Variants in COL3A1 observed in about 807,000 individuals in gnomAD.
COL3A1 encodes the protein collagen alpha-1(III) chain.
Under a neutral mutation model 200.9 loss-of-function variants are expected in COL3A1, and 46 were observed. That is an observed-to-expected ratio of 0.23 (90% CI 0.18 to 0.29). COL3A1 has a LOEUF of 0.29. COL3A1 is among the 10% of genes least tolerant of loss of function. The pLI is 1.00. For synonymous variants in COL3A1, 650 were observed against 628.0 expected (o/e 1.03, Z -0.52); for missense variants, 1,367 against 1,917.6 (o/e 0.71, Z 5.36).
At chr2:189,003,857 A>C in intron 38 of COL3A1, 70 bp downstream of exon 38, 1 of 1,584,002 alleles carries the variant, frequency 6.3e-7, no homozygotes. Flanking sequence ...ATAGGATGAG[A>C]AACTTACACA....
intron 44 of COL3A1, 117 bp from the exon 45 acceptor site, chr2:189,007,383 T>C (rs1688617489): frequency 1.3e-6 from 1 of 787,142 alleles, no homozygotes; most frequent in Non-Finnish European, 2.0e-6. Context: ...TGTCTGTTGA[T>C]GGGGGATTTT....
chr2:188,995,023 T>A (rs1190344158), intron 20 of COL3A1, 23 bp from the exon 21 acceptor site: 1 of 1,611,196 alleles, frequency 6.2e-7, no homozygotes, highest in Admixed American at 1.7e-5. Context: ...TGGACTGAAA[T>A]ACTTGTCTTT....
chr2:188,994,553 A>G lies in COL3A1; in HGVS notation c.1306A>G (p.Lys436Glu), dbSNP rs1184576895. Residue 436 changes from lysine to glutamate, a missense_variant, in exon 19 of 51, where the codon AAG (lysine) becomes GAG (glutamate). Coordinates refer to ENST00000304636, the MANE Select transcript of COL3A1 (RefSeq NM_000090.4). This position sits in a 1 kb window ranked among gnomAD's most constrained non-coding sequence, Gnocchi z 4.5. ...GLRGGAGEPG[K>E]NGAKGEPGPR... ...TGTTATACTTTAGGGTGAGCCTGGTAAGAATGGTGCCAAAGGAGAGCCCGG... is the reference window on the plus strand; with the variant it reads ...TGTTATACTTTAGGGTGAGCCTGGTGAGAATGGTGCCAAAGGAGAGCCCGG... The G allele has an allele frequency of 1.2e-6, 2 of 1,614,044 alleles. No homozygotes were observed. The highest frequency in any genetic ancestry group is 2.7e-5 in the African/African-American group (2 of 74,908).
Position 189,003,759 on chromosome 2 carries a change from G to A in COL3A1, c.2633G>A (p.Arg878His), listed in dbSNP as rs1419949637. 3.1e-6 allele frequency: 5 copies of A among 1,613,794 alleles called. No individual in the cohort carries two copies. Among genetic ancestry groups the A allele is most frequent in the East Asian group, 2.2e-5 (1 of 44,838 alleles). Residue 878 changes from arginine to histidine, a missense_variant, in exon 38 of 51, where the codon CGT (arginine) becomes CAT (histidine). Physicochemically the swap from Arg to His is conservative, Grantham distance 29. Coordinates refer to ENST00000304636, the MANE Select transcript of COL3A1 (RefSeq NM_000090.4). ...GPGAAGFPGARGLPGPPGSNG... is the reference protein window; with the variant it reads ...GPGAAGFPGAHGLPGPPGSNG... ...GGTGCTGCTGGCTTCCCTGGTGCTC[G>A]TGGTCTTCCTGGTCCTCCTGGTAGT...
chr2:188,977,408 G>A (rs935878677), intron 1 of COL3A1, among the ~76,000 whole-genome samples: 6 of 151,966 alleles, frequency 3.9e-5, no homozygotes, highest in African/African-American at 1.2e-4. Context: ...CTTATTAGAC[G>A]TCATGAGAGT....
intron 43 of COL3A1, among the ~76,000 whole-genome samples, chr2:189,006,687 A>G (rs534999808): frequency 6.6e-6 from 1 of 152,266 alleles, no homozygotes; most frequent in Non-Finnish European, 1.5e-5. Context: ...AATCAGACCA[A>G]CTATCTATAT....
chr2:188,988,654 A>AT lies in COL3A1; in HGVS notation c.636+13dup, dbSNP rs1688113210. On this transcript the variant is annotated intron_variant, in intron 7 of 50. Coordinates refer to ENST00000304636, the MANE Select transcript of COL3A1 (RefSeq NM_000090.4). ...CAAGCTGGTCCTTCAGTAAGTAACAATTAAATTTATATTTAGTAAGTCGAT... is the reference window on the plus strand; with the variant it reads ...CAAGCTGGTCCTTCAGTAAGTAACAATTTAAATTTATATTTAGTAAGTCGAT... 6.3e-7 allele frequency: 1 copy of AT among 1,589,306 alleles called. No individual in the cohort carries two copies. The highest frequency in any genetic ancestry group is 8.6e-7 in the Non-Finnish European group (1 of 1,158,964).
chr2:188,977,980 T>C, intron 1 of COL3A1: 1 of 311,628 alleles, frequency 3.2e-6, no homozygotes, highest in Non-Finnish European at 6.5e-6. Flanking sequence ...TAACACTTTG[T>C]GTTTTTCATC....
intron 15 of COL3A1, 45 bp downstream of exon 15, chr2:188,992,985 C>T (rs1688220019): frequency 4.4e-6 from 7 of 1,573,862 alleles, no homozygotes; most frequent in Non-Finnish European, 6.1e-6. Flanking sequence ...ATCTTGGAGG[C>T]AAGAGAAAAG....
intron 50 of COL3A1, 152 bp downstream of exon 50, chr2:189,011,042 G>T (rs1469820927): frequency 3.9e-6 from 4 of 1,031,314 alleles, no homozygotes; most frequent in Non-Finnish European, 5.7e-6. Flanking sequence ...CTGATTCATT[G>T]CAGGGAATGT....
chr2:188,990,426 T>C, intron 10 of COL3A1, 66 bp downstream of exon 10: 1 of 1,256,790 alleles, frequency 8.0e-7, no homozygotes, highest in Non-Finnish European at 1.2e-6. Context: ...CCTAACCAAT[T>C]TTACTGGACA....
rs754027866 is a variant in COL3A1, at chr2:188,994,206, T to C, written c.1195-28T>C. ...TCATAAAAGAACATTCAAGTTCGGCTAATATAGTGTCTTTGGTTTGTTCTT... is the reference window on the plus strand; with the variant it reads ...TCATAAAAGAACATTCAAGTTCGGCCAATATAGTGTCTTTGGTTTGTTCTT... On this transcript the variant is annotated intron_variant, in intron 17 of 50. Coordinates refer to ENST00000304636, the MANE Select transcript of COL3A1 (RefSeq NM_000090.4). The surrounding 1 kb of genome is among the most constrained non-coding windows in gnomAD (Gnocchi z 4.5). 3 of 1,613,416 alleles carry C rather than the reference T, an allele frequency of 1.9e-6. No homozygotes were observed. The highest frequency in any genetic ancestry group is 3.3e-5 in the Admixed American group (2 of 60,022).
At chr2:188,995,896 T>C in intron 22 of COL3A1, 106 bp downstream of exon 22, 2 of 1,094,394 alleles carry the variant, frequency 1.8e-6, no homozygotes, top group Non-Finnish European at 2.7e-6. Context: ...TTACATATTT[T>C]GTAAGGCACC....
At chr2:188,998,367 A>G in intron 28 of COL3A1, 48 bp downstream of exon 28, 1 of 1,495,538 alleles carries the variant, frequency 6.7e-7, no homozygotes, top group Non-Finnish European at 9.3e-7. Flanking sequence ...AAGAATACAC[A>G]CTGTTTGTTT....
At position 188,995,941 on chromosome 2, in the gene COL3A1, C is replaced by T. The variant is rs1348865619; in HGVS notation, c.1608+151C>T. On this transcript the variant is annotated intron_variant, in intron 22 of 50. Transcript: ENST00000304636. ...AAAATTCTTTTAAGTAAACTTAAGC[C>T]GAGATAGTTCAAGGAGAAGAGAAGA... 8 of 926,222 alleles carry T rather than the reference C, an allele frequency of 8.6e-6. No homozygotes were observed. The East Asian group carries it at 1.3e-4, about 15-fold the overall frequency. The allele number at this position is 926,222 out of a possible 1,614,324, so 57.4% of individuals were successfully genotyped here.
rs201839712 is a variant in COL3A1, at chr2:188,994,025, T to C, written c.1150-13T>C. ...ATTACTATTAATACATTATCTGTTT[T>C]TTGTATACTTAGGGCCCTCCTGGGA... On this transcript the variant is annotated splice_polypyrimidine_tract_variant and intron_variant, in intron 16 of 50. Coordinates refer to ENST00000304636, the MANE Select transcript of COL3A1 (RefSeq NM_000090.4). This position sits in a 1 kb window ranked among gnomAD's most constrained non-coding sequence, Gnocchi z 4.5. 7.5e-5 allele frequency: 121 copies of C among 1,613,082 alleles called. No homozygotes were observed. Among genetic ancestry groups the C allele is most frequent in the Admixed American group, 8.3e-5 (5 of 59,988 alleles).
chr2:188,990,043 CA>C, intron 8 of COL3A1, 52 bp from the exon 9 acceptor site: 1 of 1,522,196 alleles, frequency 6.6e-7, no homozygotes, highest in Non-Finnish European at 9.1e-7. Context: ...TTATTGGCTA[CA>C]ATGTATTTTC....
chr2:189,008,710 C>T, intron 47 of COL3A1: 1 of 608,588 alleles, frequency 1.6e-6, no homozygotes, highest in Admixed American at 2.9e-5. Flanking sequence ...CTGATTCTTA[C>T]ATAGTGGAAC....
chr2:189,003,002 T>C lies in COL3A1; in HGVS notation c.2493T>C (p.Gly831=), dbSNP rs551541918. The C allele has an allele frequency of 6.6e-5, 103 of 1,551,780 alleles. 3 individuals carry two copies. In the South Asian group the frequency reaches 1.2e-3, roughly 17 times the overall value. The stretch of plus-strand genomic sequence containing the variant: ...GTAAAGGAGAAAGAGGGGCTCCGGG[T>C]GAGAAAGGTGAAGGAGGCCCTCCTG... ...PGGKGERGAP[G]EKGEGGPPGV... The change falls in exon 36 of 51, where the codon GGT becomes GGC. Residue 831 remains glycine (G), a synonymous_variant. Coordinates refer to ENST00000304636, the MANE Select transcript of COL3A1 (RefSeq NM_000090.4).
Sources: gnomAD v4.1 joint callset for allele counts (sites outside exome capture counted in the v4.1 genomes callset) on GRCh38, gnomAD v4.1.1 for gene constraint, Gnocchi (gnomAD v3.1) non-coding constraint, MANE v1.5 for transcripts, NCBI Gene and HGNC (gene_info 2026-07-23, HGNC 2026-07-21) for gene names.